GAS7: variants seen among roughly 807,000 people sequenced by gnomAD.
GAS7 encodes growth arrest specific 7.
A neutral mutation model predicts 71.1 loss-of-function variants in GAS7; 28 were observed. The observed-to-expected ratio is 0.39, with a 90% confidence interval of 0.29 to 0.54. The LOEUF (loss-of-function observed/expected upper bound fraction) is 0.54. Among genes scored for constraint, GAS7 ranks in the 20% least tolerant of loss-of-function variants. The probability of loss-of-function intolerance (pLI) is 0.62; values close to 1 mark genes in which losing one functional copy is unlikely to be tolerated. For missense variants in GAS7, 436 were observed against 627.8 expected, an observed-to-expected ratio of 0.69 and a Z score of 3.27; for synonymous variants, 258 against 245.8, an observed-to-expected ratio of 1.05 and a Z score of -0.46.
In GAS7 at chr17:9,969,794, T is replaced by C. The variant is rs970905863; in HGVS notation, c.386-32A>G. Reference sequence around the variant, plus strand: ...GGACAGAGACACGGCTCAGATGCTGTGTGGGCCACAGATGGGCACCCCCGC... The same window carrying C: ...GGACAGAGACACGGCTCAGATGCTGCGTGGGCCACAGATGGGCACCCCCGC... On this transcript the variant is annotated intron_variant, in intron 3 of 13. Transcript: ENST00000432992. The surrounding 1 kb of genome is among the most constrained non-coding windows in gnomAD (Gnocchi z 5.5). 7.0e-7 allele frequency: 1 copy of C among 1,431,230 alleles called. No homozygotes were observed. The highest frequency in any genetic ancestry group is 9.9e-7 in the Non-Finnish European group (1 of 1,013,518). 88.7% of individuals were successfully genotyped at this position (1,431,230 alleles called of 1,614,324 possible). A position where few individuals can be genotyped will look rare whatever the true frequency, so the allele number is the denominator to read the frequency against.
chr17:10,121,951 G>C (rs2073907805), intron 1 of GAS7, among the ~76,000 whole-genome samples: 1 of 152,194 alleles, frequency 6.6e-6, no homozygotes, highest in Middle Eastern at 3.4e-3. Flanking sequence ...AAGGTAGTGG[G>C]CCCAGGCTAC....
At chr17:10,005,439 C>G (rs957706382) in intron 2 of GAS7, among the ~76,000 whole-genome samples, 1 of 151,812 alleles carries the variant, frequency 6.6e-6, no homozygotes, top group African/African-American at 2.4e-5. Flanking sequence ...TTTCATCGGG[C>G]CCAAACTCAG....
chr17:10,157,058 C>T (rs2074210951), intron 1 of GAS7, among the ~76,000 whole-genome samples: 1 of 152,094 alleles, frequency 6.6e-6, no homozygotes, highest in Non-Finnish European at 1.5e-5. Flanking sequence ...AAACAGAAAG[C>T]CAAATGAGGA....
At chr17:10,053,584 A>G (rs1248838982) in intron 1 of GAS7, among the ~76,000 whole-genome samples, 1 of 152,138 alleles carries the variant, frequency 6.6e-6, no homozygotes, top group African/African-American at 2.4e-5. Context: ...ATCTCTCCAG[A>G]ACAGTTGAAG....
intron 1 of GAS7, among the ~76,000 whole-genome samples, chr17:10,025,421 G>A (rs73256418): frequency 0.16 from 24,415 of 151,516 alleles, 2,195 homozygotes; most frequent in African/African-American, 0.24. Flanking sequence ...TGATCCTCCT[G>A]TCTCCCAGTC....
intron 6 of GAS7, 25 bp downstream of exon 6, chr17:9,946,869 T>C: frequency 7.2e-6 from 11 of 1,520,784 alleles, no homozygotes; most frequent in Non-Finnish European, 1.0e-5. Flanking sequence ...GGTCACGCTG[T>C]GGGGGAAACT....
chr17:10,114,877 C>A (rs933547896), intron 1 of GAS7, among the ~76,000 whole-genome samples: 2 of 152,194 alleles, frequency 1.3e-5, no homozygotes, highest in African/African-American at 4.8e-5. Context: ...TTCCAAGATG[C>A]GTGTCCTTCA....
rs144071538 is a variant in GAS7, at chr17:10,049,899, C to T, written c.184-30002G>A. Among the ~76,000 whole-genome samples the T allele has an allele frequency of 2.2e-4, 34 of 152,052 alleles. No homozygotes were observed. In the South Asian group the frequency reaches 3.5e-3, roughly 16 times the overall value. On this transcript the variant is annotated intron_variant, in intron 1 of 13. Coordinates refer to ENST00000432992, the MANE Select transcript of GAS7 (RefSeq NM_201433.2). ...CGTCCCAAAGTGTTGGGATTACAGGCGTGAGCCACCGCGCCCGGTCTGAAA... is the reference window on the plus strand; with the variant it reads ...CGTCCCAAAGTGTTGGGATTACAGGTGTGAGCCACCGCGCCCGGTCTGAAA...
rs1024692429 is a variant in GAS7 at position 9,981,297 on chromosome 17, G to GAAAC, written c.385+503_385+506dup. Among the ~76,000 whole-genome samples, 8 of 151,952 alleles carry GAAAC rather than the reference G, an allele frequency of 5.3e-5. No individual in the cohort carries two copies. The highest frequency in any genetic ancestry group is 1.9e-4 in the East Asian group (1 of 5,150). ...CAGAATGAGACCCTGTCTCAAAAGA[G>GAAAC]AAACAAACAAACAAACAAAAAAGAA... On this transcript the variant is annotated intron_variant, in intron 3 of 13. Coordinates refer to ENST00000432992, the MANE Select transcript of GAS7 (RefSeq NM_201433.2). This position sits in a 1 kb window ranked among gnomAD's most constrained non-coding sequence, Gnocchi z 4.4.
chr17:9,935,139 G>C (rs1016643210), intron 8 of GAS7, among the ~76,000 whole-genome samples: 1 of 152,232 alleles, frequency 6.6e-6, no homozygotes, highest in East Asian at 1.9e-4. Flanking sequence ...AAGATGGACT[G>C]TGTGGGTCTA....
chr17:9,928,273 C>A (rs967482730), intron 9 of GAS7, among the ~76,000 whole-genome samples: 2 of 141,948 alleles, frequency 1.4e-5, no homozygotes, highest in Non-Finnish European at 3.1e-5. Flanking sequence ...CCACCACGCC[C>A]GGCTAATTTT....
intron 5 of GAS7, among the ~76,000 whole-genome samples, chr17:9,953,014 T>C (rs1042291254): frequency 6.6e-6 from 1 of 151,954 alleles, no homozygotes; most frequent in African/African-American, 2.4e-5. Flanking sequence ...CAAAGGAATA[T>C]AAATCTTTCC....
rs2069879121 is a variant in GAS7, at chr17:9,969,740, C to T, written c.408G>A (p.Gly136=). The change falls in exon 4 of 14, where the codon GGG becomes GGA. Residue 136 remains glycine (G), a synonymous_variant. Transcript: ENST00000432992. This position sits in a 1 kb window ranked among gnomAD's most constrained non-coding sequence, Gnocchi z 5.5. ...PPTVNGYHAS[G]TPAHPPETAH... is the part of the protein sequence containing the mutation. The stretch of plus-strand genomic sequence containing the variant: ...CAGTCTCTGGAGGGTGCGCTGGGGT[C>T]CCTGATGCGTGGTATCCATTCACTG... 1 of 1,611,442 alleles carries T rather than the reference C, an allele frequency of 6.2e-7. No homozygotes were observed. Among genetic ancestry groups the T allele is most frequent in the Admixed American group, 1.7e-5 (1 of 60,002 alleles).
At chr17:9,966,505 A>G (rs1390821943) in intron 4 of GAS7, among the ~76,000 whole-genome samples, 1 of 152,162 alleles carries the variant, frequency 6.6e-6, no homozygotes, top group African/African-American at 2.4e-5. Context: ...TTGATGTTTA[A>G]GTGTAGTTAT....
chr17:10,182,954 G>GGGAGTGCCCAGGCAGCC (rs957301744), intron 1 of GAS7, among the ~76,000 whole-genome samples: 10 of 152,250 alleles, frequency 6.6e-5, no homozygotes, highest in Non-Finnish European at 1.2e-4. Flanking sequence ...AGTTTTGTGT[G>GGGAGTGCCCAGGCAGCC]GGAGTGCCCA....
At chr17:10,096,815 G>A (rs1240406947) in intron 1 of GAS7, among the ~76,000 whole-genome samples, 1 of 152,246 alleles carries the variant, frequency 6.6e-6, no homozygotes, top group Non-Finnish European at 1.5e-5. Context: ...GGATCCTGTA[G>A]CCACAGAACC....
intron 4 of GAS7, among the ~76,000 whole-genome samples, chr17:9,967,877 G>A (rs16959108): frequency 0.017 from 2,620 of 152,302 alleles, 86 homozygotes; most frequent in African/African-American, 0.059. Context: ...TCCCTGTGTC[G>A]ATGGCTTATA....
chr17:10,090,946 A>G (rs1293349572), intron 1 of GAS7, among the ~76,000 whole-genome samples: 1 of 152,102 alleles, frequency 6.6e-6, no homozygotes, highest in Non-Finnish European at 1.5e-5. Flanking sequence ...TGTGGATGAA[A>G]CCAAGCCAAG....
intron 1 of GAS7, among the ~76,000 whole-genome samples, chr17:10,105,732 A>G (rs571210240): frequency 1.6e-3 from 237 of 152,318 alleles, no homozygotes; most frequent in Middle Eastern, 0.01. Context: ...GTGTAACTGC[A>G]GAGCACGTAT....
Sources: gnomAD v4.1 joint callset for allele counts (sites outside exome capture counted in the v4.1 genomes callset) on GRCh38, gnomAD v4.1.1 for gene constraint, Gnocchi (gnomAD v3.1) non-coding constraint, MANE v1.5 for transcripts, NCBI Gene and HGNC (gene_info 2026-07-23, HGNC 2026-07-21) for gene names.